Variants in GLP1R observed in about 807,000 individuals in gnomAD.
GLP1R encodes the protein glucagon-like peptide 1 receptor.
Under a neutral mutation model 68.4 loss-of-function variants are expected in GLP1R, and 32 were observed. The ratio of observed to expected loss-of-function variants is 0.47; its 90% CI spans 0.35 to 0.63. The LOEUF is 0.63. Among genes scored for constraint, GLP1R ranks in the 20% least tolerant of loss-of-function variants. The pLI is 0.00. For synonymous variants in GLP1R, 263 were observed against 244.4 expected, an observed-to-expected ratio of 1.08 and a Z score of -0.71; for missense variants, 502 against 594.9, an observed-to-expected ratio of 0.84 and a Z score of 1.62.
At chr6:39,084,000 G>A (rs1769082341) in intron 12 of GLP1R, among the ~76,000 whole-genome samples, 2 of 152,160 alleles carry the variant, frequency 1.3e-5, no homozygotes, top group South Asian at 2.1e-4. Flanking sequence ...CTAGGTTCAG[G>A]GATGCTGAGA....
At chr6:39,060,897 A>G (rs899672347) in intron 3 of GLP1R, among the ~76,000 whole-genome samples, 1 of 152,164 alleles carries the variant, frequency 6.6e-6, no homozygotes, top group Non-Finnish European at 1.5e-5. Context: ...CCCTCCATGG[A>G]GCTGAAGGTC....
In GLP1R at chr6:39,055,914, G is replaced by GA. The variant is rs199839751; in HGVS notation, c.79-483_79-482insA. On this transcript the variant is annotated intron_variant, in intron 1 of 12. Transcript: ENST00000373256. ...ATTCTAGCCTTAACTCTGCTTCCTG[G>GA]GGGGGCTGTGCACCCTTGATTCAGT... Among the ~76,000 whole-genome samples the GA allele has an allele frequency of 1.4e-4, 22 of 152,194 alleles. 1 individual carries two copies. The East Asian group carries it at 4.3e-3, about 29-fold the overall frequency.
chr6:39,085,928 G>A lies in GLP1R; in HGVS notation c.1247G>A (p.Ser416Asn). The A allele has an allele frequency of 6.2e-7, 1 of 1,613,950 alleles. No homozygotes were observed. Among genetic ancestry groups the A allele is most frequent in the Non-Finnish European group, 8.5e-7 (1 of 1,179,876 alleles). Residue 416 changes from serine to asparagine, a missense_variant, in exon 13 of 13, where the codon AGC becomes AAC. Physicochemically the swap from Ser to Asn is conservative, Grantham distance 46 (BLOSUM62 1). Transcript: ENST00000373256. ...NNEVQLEFRK[S>N]WERWRLEHLH... ...AAGGTCCAGCTGGAATTTCGGAAGA[G>A]CTGGGAGCGCTGGCGGCTTGAGCAC...
intron 12 of GLP1R, among the ~76,000 whole-genome samples, chr6:39,081,017 G>A (rs1391656826): frequency 2.6e-5 from 4 of 151,930 alleles, no homozygotes; most frequent in African/African-American, 4.8e-5. Flanking sequence ...GATCCTGAAT[G>A]ACCCTCTTTG....
intron 1 of GLP1R, among the ~76,000 whole-genome samples, chr6:39,051,902 G>GC (rs888575445): frequency 2.7e-5 from 4 of 149,406 alleles, no homozygotes; most frequent in Non-Finnish European, 5.9e-5. Flanking sequence ...TGTGGGGGGG[G>GC]GGGCATCTTG....
intron 6 of GLP1R, 71 bp from the exon 7 acceptor site, chr6:39,073,539 G>A (rs1173699646): frequency 1.5e-6 from 2 of 1,334,138 alleles, no homozygotes; most frequent in African/African-American, 2.9e-5. Context: ...GCTGGAGCAG[G>A]ACGGGGAGTG....
At chr6:39,054,027 C>T (rs769464280) in intron 1 of GLP1R, among the ~76,000 whole-genome samples, 7 of 152,094 alleles carry the variant, frequency 4.6e-5, no homozygotes, top group Non-Finnish European at 1.0e-4. Flanking sequence ...CTTGCTAGCC[C>T]AGTCTGCCTC....
At chr6:39,070,299 A>C (rs963314285) in intron 5 of GLP1R, among the ~76,000 whole-genome samples, 7 of 152,226 alleles carry the variant, frequency 4.6e-5, no homozygotes, top group Admixed American at 1.3e-4. Flanking sequence ...CATTGACACG[A>C]GCAGTCCTGT....
Position 39,049,549 on chromosome 6 carries a change from G to C in GLP1R, c.78+631G>C, listed in dbSNP as rs1346030332. Among the ~76,000 whole-genome samples the C allele has an allele frequency of 6.6e-6, 1 of 151,920 alleles. No individual in the cohort carries two copies. ...GGAACCTACCCCCCGTCCCCTACCA[G>C]CCTCTGTAGCAAACAGGCAGAAGGC... On this transcript the variant is annotated intron_variant, in intron 1 of 12. Coordinates refer to ENST00000373256, the MANE Select transcript of GLP1R (RefSeq NM_002062.5). This position sits in a 1 kb window ranked among gnomAD's most constrained non-coding sequence, Gnocchi z 4.5.
intron 12 of GLP1R, 78 bp from the exon 13 acceptor site, chr6:39,085,828 A>G (rs1437188957): frequency 6.0e-6 from 8 of 1,338,226 alleles, no homozygotes; most frequent in Non-Finnish European, 8.5e-6. Context: ...TCCCTTCCCC[A>G]CTAATGTAAT....
At chr6:39,083,349 T>C (rs946334599) in intron 12 of GLP1R, among the ~76,000 whole-genome samples, 2 of 152,214 alleles carry the variant, frequency 1.3e-5, no homozygotes, top group African/African-American at 4.8e-5. Flanking sequence ...CATGTGGCTC[T>C]GGGGCTAAGG....
At chr6:39,078,898 T>G in intron 8 of GLP1R, 59 bp from the exon 9 acceptor site, 4 of 1,446,758 alleles carry the variant, frequency 2.8e-6, no homozygotes, top group Non-Finnish European at 2.9e-6. Context: ...TGCCTGCACC[T>G]GAGCTGGGGG....
Position 39,079,259 on chromosome 6 carries a change from CAG to C in GLP1R, c.1043+75_1043+76del, listed in dbSNP as rs5875654. ...TCAGCAAGTGCCCCTTTCCTTCTAG[CAG>C]AGAGAGAGAGAGAGATCCTGGGATG... On this transcript the variant is annotated intron_variant, in intron 10 of 12. Transcript: ENST00000373256. This position sits in a 1 kb window ranked among gnomAD's most constrained non-coding sequence, Gnocchi z 4.5. 115,726 of 825,790 alleles carry C rather than the reference CAG, an allele frequency of 0.14. 1,946 individuals are homozygous for C. Among genetic ancestry groups the C allele is most frequent in the East Asian group, 0.32 (9,853 of 30,360 alleles). 51.2% of individuals were successfully genotyped at this position (825,790 alleles called of 1,614,324 possible). A position where few individuals can be genotyped will look rare whatever the true frequency, so the allele number is the denominator to read the frequency against.
intron 3 of GLP1R, 80 bp from the exon 4 acceptor site, chr6:39,065,631 G>A: frequency 1.3e-6 from 1 of 798,842 alleles, no homozygotes; most frequent in Admixed American, 2.3e-5. Flanking sequence ...CCCTCAGAAT[G>A]GGGAGGAAGG....
chr6:39,067,278 A>G (rs1768542197), intron 5 of GLP1R, among the ~76,000 whole-genome samples: 1 of 152,216 alleles, frequency 6.6e-6, no homozygotes, highest in South Asian at 2.1e-4. Flanking sequence ...TGTATTGAAC[A>G]TATTTGTCTT....
At chr6:39,065,582 A>G in intron 3 of GLP1R, 129 bp from the exon 4 acceptor site, 1 of 610,246 alleles carries the variant, frequency 1.6e-6, no homozygotes, top group Non-Finnish European at 2.9e-6. Flanking sequence ...AAAGGATGTC[A>G]CTAACTCAGA....
At position 39,091,126 on chromosome 6, in the gene GLP1R, G is replaced by C. The variant is rs148875491; in HGVS notation, c.*5053G>C. On this transcript the variant is annotated 3_prime_UTR_variant, in exon 13 of 13. Transcript: ENST00000373256. ...CTCTTGGGGGATGTTTGCTCCTCAT[G>C]AGTGTTTAAACAAGATCATTTCCAG... 1.3e-3 allele frequency among the ~76,000 whole-genome samples: 196 copies of C among 152,312 alleles called. 2 individuals carry two copies. In the East Asian group the frequency reaches 0.028, roughly 22 times the overall value.
intron 3 of GLP1R, among the ~76,000 whole-genome samples, chr6:39,058,275 C>G (rs1408790408): frequency 6.6e-6 from 1 of 152,116 alleles, no homozygotes; most frequent in Non-Finnish European, 1.5e-5. Flanking sequence ...GTGGCCCATA[C>G]CTGGCAGTGA....
chr6:39,059,320 C>T (rs536645441), intron 3 of GLP1R, among the ~76,000 whole-genome samples: 1 of 152,240 alleles, frequency 6.6e-6, no homozygotes. Context: ...CTCACACAGC[C>T]ATTAGTGGGC....
Sources: allele counts gnomAD v4.1 joint callset (sites outside exome capture counted in the v4.1 genomes callset), GRCh38; gene constraint gnomAD v4.1.1; non-coding constraint Gnocchi (gnomAD v3.1); transcripts MANE v1.5; gene names NCBI Gene and HGNC (gene_info 2026-07-23, HGNC 2026-07-21).